The following NCR1 variants were observed in gnomAD, a reference collection of about 807,000 sequenced individuals.
NCR1 encodes the protein natural cytotoxicity triggering receptor 1, also known as NK cell-activating receptor.
Under a neutral mutation model 32.5 loss-of-function variants are expected in NCR1, and 30 were observed. The ratio of observed to expected loss-of-function variants is 0.92; its 90% CI spans 0.69 to 1.25. The LOEUF (loss-of-function observed/expected upper bound fraction) is 1.25, where lower values mean the gene tolerates loss of function less well. NCR1 is among the 50% of genes most tolerant of loss of function. The probability of loss-of-function intolerance (pLI) is 0.00; values close to 1 mark genes in which losing one functional copy is unlikely to be tolerated. For missense variants in NCR1, 369 were observed against 380.7 expected (o/e 0.97, Z 0.26); for synonymous variants, 169 against 143.4 (o/e 1.18, Z -1.28).
chr19:54,933,377 C>T, the NCR1 span, among the ~76,000 whole-genome samples: 15 of 152,282 alleles, frequency 9.9e-5, no homozygotes, highest in Middle Eastern at 3.4e-3. Flanking sequence ...CATCTCCTGA[C>T]CTCATGATCC....
intron 1 of NCR1, 32 bp from the exon 2 acceptor site, chr19:54,906,267 A>G: frequency 6.2e-7 from 1 of 1,614,114 alleles, no homozygotes; most frequent in East Asian, 2.2e-5. Context: ...TGTGCCTGGG[A>G]GGCAACAGGT....
chr19:54,936,258 C>G, the NCR1 span: 2 of 1,612,396 alleles, frequency 1.2e-6, no homozygotes, highest in East Asian at 2.2e-5. Context: ...CCGTGAGACC[C>G]ACCTCAGGTA....
At chr19:54,931,186 C>A in the NCR1 span, among the ~76,000 whole-genome samples, 2 of 152,060 alleles carry the variant, frequency 1.3e-5, no homozygotes, top group Admixed American at 1.3e-4. Flanking sequence ...CAGTGGGAGG[C>A]CAAGACGGGC....
At chr19:54,903,942 G>A (rs1356859718), upstream of NCR1, among the ~76,000 whole-genome samples, 2 of 151,370 alleles carry the variant, frequency 1.3e-5, no homozygotes, top group Admixed American at 6.6e-5. Context: ...CCTGGCCAAC[G>A]TGGTAAAAAC....
the NCR1 span, chr19:54,927,461 C>G: frequency 1.4e-6 from 1 of 740,264 alleles, no homozygotes; most frequent in East Asian, 2.6e-5. Context: ...GAGGCTGAGG[C>G]AGGAGAATTG....
At chr19:54,900,345 A>T in the NCR1 span, among the ~76,000 whole-genome samples, 11 of 152,302 alleles carry the variant, frequency 7.2e-5, no homozygotes, top group Non-Finnish European at 1.2e-4. Context: ...AAGGAAAATT[A>T]CAGTCAAAAG....
At chr19:54,903,355 TATACATAC>T (rs1297794370), upstream of NCR1, among the ~76,000 whole-genome samples, 4 of 125,840 alleles carry the variant, frequency 3.2e-5, no homozygotes, top group South Asian at 2.4e-4. Context: ...TATATGCATA[TATACATAC>T]ATGTATATAT....
At chr19:54,927,242 A>T in the NCR1 span, among the ~76,000 whole-genome samples, 1 of 151,402 alleles carries the variant, frequency 6.6e-6, no homozygotes, top group Admixed American at 6.6e-5. Context: ...TTAGCCAGGC[A>T]TGGTGGCAGG....
chr19:54,934,396 G>A, the NCR1 span: 23 of 1,297,234 alleles, frequency 1.8e-5, no homozygotes, highest in South Asian at 5.9e-5. This position sits in a 1 kb window ranked among gnomAD's most constrained non-coding sequence, Gnocchi z 6.7. Flanking sequence ...AGCAAGAGGC[G>A]CCACGTGGGT....
chr19:54,898,277 T>C, the NCR1 span, among the ~76,000 whole-genome samples: 38,963 of 152,120 alleles, frequency 0.26, 5,286 homozygotes, highest in African/African-American at 0.33. Context: ...ACAGATGGGA[T>C]GCGGCTTAGG....
intron 5 of NCR1, among the ~76,000 whole-genome samples, chr19:54,911,303 C>G (rs997278582): frequency 1.3e-5 from 2 of 149,720 alleles, no homozygotes; most frequent in Non-Finnish European, 3.0e-5. Context: ...GAGCTGAGAT[C>G]GCGCCACTGC....
Position 54,912,966 on chromosome 19 carries a change from A to T in NCR1, c.*95A>T, listed in dbSNP as rs1182759383. On this transcript the variant is annotated 3_prime_UTR_variant, in exon 7 of 7. Coordinates refer to ENST00000291890, the MANE Select transcript of NCR1 (RefSeq NM_004829.7). The stretch of plus-strand genomic sequence containing the variant: ...TCTGTGTTGGACCCACGGAGGAGGG[A>T]GTCACTGCAGGGAAAGAGGGACACT... 3.3e-6 allele frequency: 4 copies of T among 1,222,276 alleles called. No homozygotes were observed. Among genetic ancestry groups the T allele is most frequent in the Non-Finnish European group, 4.5e-6 (4 of 880,424 alleles). The allele number at this position is 1,222,276 out of a possible 1,614,324, so 75.7% of individuals were successfully genotyped here.
chr19:54,935,222 AGG>A, the NCR1 span, among the ~76,000 whole-genome samples: 10,930 of 142,288 alleles, frequency 0.077, 719 homozygotes, highest in Admixed American at 0.21. Flanking sequence ...ATGATTTTGC[AGG>A]GGGGAAAAAA....
downstream of NCR1, among the ~76,000 whole-genome samples, chr19:54,920,488 G>A (rs547361808): frequency 6.6e-6 from 1 of 152,240 alleles, no homozygotes; most frequent in African/African-American, 2.4e-5. Context: ...AGGCTGGTCA[G>A]GCGCCGTAAT....
At chr19:54,903,780 T>C (rs1339734897), upstream of NCR1, among the ~76,000 whole-genome samples, 1 of 151,730 alleles carries the variant, frequency 6.6e-6, no homozygotes, top group East Asian at 1.9e-4. Flanking sequence ...CTTAACAACT[T>C]CTGCATAGAA....
At chr19:54,913,993 G>A (rs554833036), downstream of NCR1, among the ~76,000 whole-genome samples, 11 of 151,498 alleles carry the variant, frequency 7.3e-5, no homozygotes, top group East Asian at 1.9e-4. Context: ...GCTTGAACCC[G>A]GGAGGCGGAG....
At chr19:54,930,448 C>G in the NCR1 span, 1 of 1,315,432 alleles carries the variant, frequency 7.6e-7, no homozygotes, top group African/African-American at 1.4e-5. Context: ...GGGGACAGAG[C>G]AAGACCCTGT....
the NCR1 span, among the ~76,000 whole-genome samples, chr19:54,899,828 G>A: frequency 3.3e-5 from 5 of 152,098 alleles, no homozygotes; most frequent in Admixed American, 2.0e-4. Context: ...AGGTGTCCCC[G>A]CGTGATTAAA....
chr19:54,933,756 C>T, the NCR1 span: 1 of 1,611,030 alleles, frequency 6.2e-7, no homozygotes, highest in African/African-American at 1.3e-5. Context: ...AAATATGAAA[C>T]AAATGGTAGA....
Sources: allele counts gnomAD v4.1 joint callset (sites outside exome capture counted in the v4.1 genomes callset), GRCh38; gene constraint gnomAD v4.1.1; non-coding constraint Gnocchi (gnomAD v3.1); transcripts MANE v1.5; gene names NCBI Gene and HGNC (gene_info 2026-07-23, HGNC 2026-07-21).